The following RNF185 variants were observed in gnomAD, a reference collection of about 807,000 sequenced individuals.
The protein encoded by RNF185 is E3 ubiquitin-protein ligase RNF185.
In RNF185, 13 loss-of-function variants were observed where a neutral mutation model predicts 24.9. That is an observed-to-expected ratio of 0.52 (90% CI 0.34 to 0.83). The LOEUF is 0.83. RNF185 is among the 40% of genes least tolerant of loss of function. RNF185 has a pLI of 0.01. For missense variants in RNF185, 184 were observed against 244.7 expected, an observed-to-expected ratio of 0.75 and a Z score of 1.65; for synonymous variants, 79 against 90.3, an observed-to-expected ratio of 0.88 and a Z score of 0.71.
chr22:31,164,716 A>C (rs1399932951), intron 1 of RNF185, among the ~76,000 whole-genome samples: 1 of 150,618 alleles, frequency 6.6e-6, no homozygotes, highest in Non-Finnish European at 1.5e-5. Context: ...CCTCCTGAAT[A>C]GCTGCAATTA....
chr22:31,198,691 G>A (rs992486903), intron 5 of RNF185, among the ~76,000 whole-genome samples: 6 of 138,424 alleles, frequency 4.3e-5, no homozygotes, highest in African/African-American at 7.9e-5. Context: ...GAGCCACCGC[G>A]CACTGCCACT....
chr22:31,169,891 A>AGTCCATCTCTTCATTTCATTG lies in RNF185; in HGVS notation c.-49+9592_-49+9612dup, dbSNP rs564613962. On this transcript the variant is annotated intron_variant, in intron 1 of 6. Coordinates refer to ENST00000326132, the MANE Select transcript of RNF185 (RefSeq NM_152267.4). Reference sequence around the variant, plus strand: ...CTCTGCATCTGCTGTAGATGACAGGAGTCCATCTCTTCATTTCATTGGTCG... The same window carrying AGTCCATCTCTTCATTTCATTG: ...CTCTGCATCTGCTGTAGATGACAGGAGTCCATCTCTTCATTTCATTGGTCCATCTCTTCATTTCATTGGTCG... 9.2e-3 allele frequency among the ~76,000 whole-genome samples: 1,397 copies of AGTCCATCTCTTCATTTCATTG among 152,244 alleles called. 8 individuals carry two copies. The highest frequency in any genetic ancestry group is 0.024 in the Middle Eastern group (7 of 294).
At chr22:31,162,766 C>CT (rs71319163) in intron 1 of RNF185, among the ~76,000 whole-genome samples, 63,469 of 134,368 alleles carry the variant, frequency 0.47, 15,204 homozygotes, top group Middle Eastern at 0.55. Flanking sequence ...ATTTTTCTTT[C>CT]TTTTTTTTTT....
At chr22:31,194,730 GA>G (rs961583556) in intron 3 of RNF185, among the ~76,000 whole-genome samples, 10 of 149,888 alleles carry the variant, frequency 6.7e-5, no homozygotes, top group African/African-American at 7.3e-5. Flanking sequence ...TCTGTCTGGG[GA>G]AAAAAAAATG....
At chr22:31,176,427 A>C (rs1295435231) in intron 1 of RNF185, among the ~76,000 whole-genome samples, 1 of 149,340 alleles carries the variant, frequency 6.7e-6, no homozygotes, top group Non-Finnish European at 1.5e-5. Context: ...GGTATGACCC[A>C]CCGCACCTGG....
intron 1 of RNF185, among the ~76,000 whole-genome samples, chr22:31,164,260 C>T (rs1258064647): frequency 1.3e-5 from 2 of 152,182 alleles, no homozygotes; most frequent in East Asian, 1.9e-4. Flanking sequence ...GGATTACAGC[C>T]GTGAGCCACT....
At chr22:31,170,129 C>G (rs900709837) in intron 1 of RNF185, among the ~76,000 whole-genome samples, 2 of 152,098 alleles carry the variant, frequency 1.3e-5, no homozygotes, top group Admixed American at 1.3e-4. Flanking sequence ...GATACTCGCT[C>G]TCTTAATTGC....
chr22:31,188,181 A>G (rs1046993612), intron 2 of RNF185, among the ~76,000 whole-genome samples: 1 of 152,174 alleles, frequency 6.6e-6, no homozygotes, highest in Non-Finnish European at 1.5e-5. Context: ...TCAAACCCAG[A>G]TTCGACTAAA....
At chr22:31,193,897 A>AT (rs113727137) in intron 3 of RNF185, among the ~76,000 whole-genome samples, 3,130 of 143,540 alleles carry the variant, frequency 0.022, 36 homozygotes, top group Non-Finnish European at 0.027. Flanking sequence ...AAGAAAATTA[A>AT]TTTTTTTTTT....
intron 1 of RNF185, among the ~76,000 whole-genome samples, chr22:31,182,450 G>A (rs1374710298): frequency 1.3e-5 from 2 of 152,000 alleles, no homozygotes; most frequent in Non-Finnish European, 2.9e-5. Context: ...ACCACACCCA[G>A]CTAATTTTTG....
chr22:31,199,480 C>A (rs1478038232), intron 5 of RNF185, among the ~76,000 whole-genome samples: 2 of 152,178 alleles, frequency 1.3e-5, no homozygotes, highest in African/African-American at 4.8e-5. Flanking sequence ...CCTTGTTGAC[C>A]AAAGTGCATA....
chr22:31,173,821 C>T (rs1237901712), intron 1 of RNF185, among the ~76,000 whole-genome samples: 2 of 152,136 alleles, frequency 1.3e-5, no homozygotes, highest in Non-Finnish European at 2.9e-5. Flanking sequence ...CTGATTTTCT[C>T]TGGGTCAAAT....
At position 31,189,280 on chromosome 22, in the gene RNF185, C is replaced by CTTTTTTTTTT; in HGVS notation, c.176+2028_176+2037dup. Among the ~76,000 whole-genome samples, 19 of 61,538 alleles carry CTTTTTTTTTT rather than the reference C, an allele frequency of 3.1e-4. 6 individuals carry two copies. The highest frequency in any genetic ancestry group is 7.3e-4 in the South Asian group (1 of 1,372). The allele number at this position is 61,538 out of a possible 152,430, so 40.4% of individuals were successfully genotyped here. On this transcript the variant is annotated intron_variant, in intron 2 of 6. Transcript: ENST00000326132. Reference sequence around the variant, plus strand: ...ATTTAAATGTACAGCTGTTGTATATCTTTTTTTTTTTTTTTTTTTTTTTTT... The same window carrying CTTTTTTTTTT: ...ATTTAAATGTACAGCTGTTGTATATCTTTTTTTTTTTTTTTTTTTTTTTTTTTTTTTTTTT...
At chr22:31,204,463 C>T in intron 6 of RNF185, 26 bp from the exon 7 acceptor site, 1 of 1,508,868 alleles carries the variant, frequency 6.6e-7, no homozygotes, top group South Asian at 1.1e-5. Context: ...TTCTAATAGC[C>T]TGTTTTCTCC....
intron 2 of RNF185, among the ~76,000 whole-genome samples, chr22:31,190,262 G>A (rs4820951): frequency 0.79 from 120,547 of 152,166 alleles, 48,687 homozygotes; most frequent in African/African-American, 0.95. Flanking sequence ...TACCTTTTCT[G>A]TGTTAGGTAT....
At chr22:31,194,730 GAAA>G (rs961583556) in intron 3 of RNF185, among the ~76,000 whole-genome samples, 1 of 149,782 alleles carries the variant, frequency 6.7e-6, no homozygotes, top group Non-Finnish European at 1.5e-5. Flanking sequence ...TCTGTCTGGG[GAAA>G]AAAAAATGAG....
chr22:31,181,734 C>T (rs941139443), intron 1 of RNF185, among the ~76,000 whole-genome samples: 11 of 152,000 alleles, frequency 7.2e-5, no homozygotes, highest in Admixed American at 1.3e-4. Context: ...AACCATCATT[C>T]TCAGCAAACT....
chr22:31,193,810 A>G (rs1170679343), intron 3 of RNF185, among the ~76,000 whole-genome samples: 1 of 144,624 alleles, frequency 6.9e-6, no homozygotes. Flanking sequence ...AAAAACCAAA[A>G]AACCGAAAAA....
intron 1 of RNF185, among the ~76,000 whole-genome samples, chr22:31,169,916 G>A (rs1037582495): frequency 1.1e-4 from 16 of 149,752 alleles, no homozygotes; most frequent in Admixed American, 3.3e-4. Context: ...TTCATTGGTC[G>A]TTGGGAACAA....
Sources: allele counts gnomAD v4.1 joint callset (sites outside exome capture counted in the v4.1 genomes callset), GRCh38; gene constraint gnomAD v4.1.1; transcripts MANE v1.5; gene names NCBI Gene and HGNC (gene_info 2026-07-23, HGNC 2026-07-21).